The following ZBTB38 variants were observed in gnomAD, a reference collection of about 807,000 sequenced individuals.
ZBTB38 encodes the protein zinc finger and BTB domain containing 38, also known as zinc finger and BTB domain-containing protein 38.
Under a neutral mutation model 76.8 loss-of-function variants are expected in ZBTB38, and 20 were observed. The ratio of observed to expected loss-of-function variants is 0.26; its 90% CI spans 0.18 to 0.38. The LOEUF (loss-of-function observed/expected upper bound fraction) is 0.38. Among genes scored for constraint, ZBTB38 ranks in the 10% least tolerant of loss-of-function variants. The probability of loss-of-function intolerance (pLI) is 1.00; values close to 1 mark genes in which losing one functional copy is unlikely to be tolerated. For synonymous variants in ZBTB38, 504 were observed against 544.2 expected, an observed-to-expected ratio of 0.93 and a Z score of 1.03; for missense variants, 1,082 against 1,482.3, an observed-to-expected ratio of 0.73 and a Z score of 4.43.
intron 1 of ZBTB38, among the ~76,000 whole-genome samples, chr3:141,348,044 C>T (rs7624559): frequency 0.086 from 13,066 of 152,224 alleles, 886 homozygotes; most frequent in African/African-American, 0.18. Context: ...TATTTAATTA[C>T]AGTTGTGGTT....
Position 141,411,544 on chromosome 3 carries a change from G to A in ZBTB38, c.-1+7513G>A, listed in dbSNP as rs1956650468. 3.9e-5 allele frequency among the ~76,000 whole-genome samples: 6 copies of A among 152,174 alleles called. No homozygotes were observed. The South Asian group carries it at 1.2e-3, about 32-fold the overall frequency. On this transcript the variant is annotated intron_variant, in intron 5 of 5. Transcript: ENST00000321464. ...TTGAATTAATGCAAGTTCCACCTTTGCTTTAATGGGAGGGGACAGAAGGAC... is the reference window on the plus strand; with the variant it reads ...TTGAATTAATGCAAGTTCCACCTTTACTTTAATGGGAGGGGACAGAAGGAC...
intron 1 of ZBTB38, among the ~76,000 whole-genome samples, chr3:141,353,457 A>G (rs1943577360): frequency 6.6e-6 from 1 of 152,144 alleles, no homozygotes; most frequent in Non-Finnish European, 1.5e-5. Context: ...CTACTAACCA[A>G]AAAGCAAAAG....
chr3:141,352,565 A>G (rs1490282307), intron 1 of ZBTB38, among the ~76,000 whole-genome samples: 1 of 152,020 alleles, frequency 6.6e-6, no homozygotes, highest in Non-Finnish European at 1.5e-5. Context: ...GGCTCAAGGA[A>G]TAGCTAGGAA....
rs1287624488 is a variant in ZBTB38, at chr3:141,431,808, T to TA, written c.1-10575dup. The TA allele has an allele frequency of 2.0e-5, 3 of 152,340 alleles. No homozygotes were observed. In the East Asian group the frequency reaches 5.8e-4, roughly 29 times the overall value. The allele number at this position is 152,340 out of a possible 1,614,324, so 9.4% of individuals were successfully genotyped here. A position where few individuals can be genotyped will look rare whatever the true frequency, so the allele number is the denominator to read the frequency against. On this transcript the variant is annotated intron_variant, in intron 5 of 5. Transcript: ENST00000321464. ...CCTTTAGAACAGCCTGAATTTCAGTTAAAAAATAAGCTTCCCCTGTCACAC... is the reference window on the plus strand; with the variant it reads ...CCTTTAGAACAGCCTGAATTTCAGTTAAAAAAATAAGCTTCCCCTGTCACAC...
At chr3:141,394,954 C>A (rs942228789) in intron 4 of ZBTB38, among the ~76,000 whole-genome samples, 1 of 152,206 alleles carries the variant, frequency 6.6e-6, no homozygotes, top group African/African-American at 2.4e-5. Context: ...TAGACCAGTG[C>A]TCTTTTGACT....
intron 1 of ZBTB38, among the ~76,000 whole-genome samples, chr3:141,369,588 C>T (rs1944242947): frequency 6.6e-6 from 1 of 152,306 alleles, no homozygotes; most frequent in Admixed American, 6.5e-5. Context: ...AAATCATACC[C>T]TGATTTTCCC....
At chr3:141,431,323 C>CAAAAAAAAAAAAAAAAAAA (rs71976494) in intron 5 of ZBTB38, among the ~76,000 whole-genome samples, 5 of 101,404 alleles carry the variant, frequency 4.9e-5, no homozygotes, top group East Asian at 9.2e-4. Flanking sequence ...GACTTCGTCT[C>CAAAAAAAAAAAAAAAAAAA]AAAAAAAAAA....
chr3:141,357,332 T>C (rs1325386443), intron 1 of ZBTB38, among the ~76,000 whole-genome samples: 2 of 152,216 alleles, frequency 1.3e-5, no homozygotes, highest in Non-Finnish European at 2.9e-5. Context: ...AGTATGTCAT[T>C]TGTCTTTCAA....
intron 5 of ZBTB38, among the ~76,000 whole-genome samples, chr3:141,405,155 G>T (rs1156579679): frequency 6.6e-6 from 1 of 152,092 alleles, no homozygotes; most frequent in Non-Finnish European, 1.5e-5. Flanking sequence ...AAGGCACTTG[G>T]GTACTCAAGA....
chr3:141,395,997 T>C (rs1950273976), intron 4 of ZBTB38, among the ~76,000 whole-genome samples: 1 of 152,254 alleles, frequency 6.6e-6, no homozygotes, highest in Admixed American at 6.5e-5. Flanking sequence ...GGGTCTTGCC[T>C]GGATGTTGAA....
intron 1 of ZBTB38, among the ~76,000 whole-genome samples, chr3:141,362,899 C>CAA (rs1359336743): frequency 6.6e-6 from 1 of 152,086 alleles, no homozygotes; most frequent in African/African-American, 2.4e-5. Context: ...CCCCCCACCC[C>CAA]AAGACTGCAC....
chr3:141,325,597 A>G (rs1212590937), intron 1 of ZBTB38, among the ~76,000 whole-genome samples: 1 of 152,224 alleles, frequency 6.6e-6, no homozygotes, highest in African/African-American at 2.4e-5. Context: ...TGGGGAAAAT[A>G]AAATGTAACC....
intron 1 of ZBTB38, among the ~76,000 whole-genome samples, chr3:141,358,633 C>G (rs1943731605): frequency 2.0e-5 from 3 of 152,134 alleles, no homozygotes; most frequent in Non-Finnish European, 4.4e-5. Flanking sequence ...TTAGTATAGT[C>G]ACAGACAAAT....
chr3:141,340,036 G>A (rs1053864508), intron 1 of ZBTB38, among the ~76,000 whole-genome samples: 1 of 152,178 alleles, frequency 6.6e-6, no homozygotes, highest in African/African-American at 2.4e-5. Flanking sequence ...GGTTTGCTCC[G>A]AGCCCTGCAT....
intron 5 of ZBTB38, among the ~76,000 whole-genome samples, chr3:141,435,737 G>A (rs1176557716): frequency 6.6e-6 from 1 of 151,190 alleles, no homozygotes; most frequent in Non-Finnish European, 1.5e-5. Context: ...TCCAGCCTGG[G>A]CAACAGAGTA....
chr3:141,405,733 G>A (rs551628670), intron 5 of ZBTB38: 1 of 152,214 alleles, frequency 6.6e-6, no homozygotes, highest in Non-Finnish European at 1.5e-5. Flanking sequence ...AAGGTGTTCT[G>A]TGAATGCTGT....
chr3:141,421,060 A>C (rs890565092), intron 5 of ZBTB38, among the ~76,000 whole-genome samples: 6 of 151,946 alleles, frequency 3.9e-5, no homozygotes, highest in South Asian at 2.1e-4. Flanking sequence ...AAAATCAATT[A>C]TTGAGCACTT....
chr3:141,411,359 T>A (rs1193831272), intron 5 of ZBTB38, among the ~76,000 whole-genome samples: 1 of 152,212 alleles, frequency 6.6e-6, no homozygotes, highest in Non-Finnish European at 1.5e-5. Flanking sequence ...ACCTATTTAG[T>A]CTGGTCTTAT....
At position 141,443,213 on chromosome 3, in the gene ZBTB38, G is replaced by A. The variant is rs776415870; in HGVS notation, c.825G>A (p.Ser275=). Residue 275 remains serine (S), a synonymous_variant, in exon 6 of 6, where the codon TCG becomes TCA. Coordinates refer to ENST00000321464, the MANE Select transcript of ZBTB38 (RefSeq NM_001376113.1). The surrounding 1 kb of genome is among the most constrained non-coding windows in gnomAD (Gnocchi z 5.6). ...AGACATTCTCCATACCACAGGATTC[G>A]GATTCAGCCACAGAAAATATACCAC... ...KPKTFSIPQD[S]DSATENIPPP... is the part of the protein sequence containing the mutation. 1.7e-5 allele frequency: 27 copies of A among 1,614,170 alleles called. No individual in the cohort carries two copies. In the East Asian group the frequency reaches 1.8e-4, roughly 11 times the overall value.
Sources: gnomAD v4.1 joint callset for allele counts (sites outside exome capture counted in the v4.1 genomes callset) on GRCh38, gnomAD v4.1.1 for gene constraint, Gnocchi (gnomAD v3.1) non-coding constraint, MANE v1.5 for transcripts, NCBI Gene and HGNC (gene_info 2026-07-23, HGNC 2026-07-21) for gene names.